The following MYT1L variants were observed in gnomAD, a reference collection of about 807,000 sequenced individuals.
MYT1L encodes myelin transcription factor 1 like, also known as myelin transcription factor 1-like protein.
Under a neutral mutation model 126.7 loss-of-function variants are expected in MYT1L, and 12 were observed. The observed-to-expected ratio is 0.09, with a 90% CI of 0.06 to 0.15. The LOEUF (loss-of-function observed/expected upper bound fraction) is 0.15. Ranked by LOEUF, MYT1L falls within the 10% of genes least tolerant of loss-of-function variation. The probability of loss-of-function intolerance (pLI) is 1.00; values close to 1 mark genes in which losing one functional copy is unlikely to be tolerated. For missense variants in MYT1L, 979 were observed against 1,585.2 expected, an observed-to-expected ratio of 0.62 and a Z score of 6.49; for synonymous variants, 541 against 604.2, an observed-to-expected ratio of 0.90 and a Z score of 1.53.
At chr2:2,322,160 GTT>G (rs113836212) in intron 1 of MYT1L, among the ~76,000 whole-genome samples, 2 of 145,422 alleles carry the variant, frequency 1.4e-5, no homozygotes, top group African/African-American at 5.0e-5. Context: ...ATATTTACCT[GTT>G]TTTTTTTTTT....
intron 2 of MYT1L, among the ~76,000 whole-genome samples, chr2:2,255,617 A>G (rs913214392): frequency 5.3e-5 from 8 of 152,312 alleles, no homozygotes; most frequent in African/African-American, 4.8e-5. Context: ...AATATGAATC[A>G]CTTGAACATA....
chr2:1,990,786 C>T (rs990942279), intron 5 of MYT1L, among the ~76,000 whole-genome samples: 3 of 152,176 alleles, frequency 2.0e-5, no homozygotes, highest in African/African-American at 4.8e-5. Flanking sequence ...TGGAACAGGC[C>T]CAGTCGTCTA....
At chr2:1,932,928 G>T (rs2055214954) in intron 9 of MYT1L, among the ~76,000 whole-genome samples, 1 of 152,142 alleles carries the variant, frequency 6.6e-6, no homozygotes, top group Non-Finnish European at 1.5e-5. Context: ...AGCCAGGGAA[G>T]CCTGGGCCAA....
At chr2:2,026,936 GC>G (rs546248427) in intron 4 of MYT1L, among the ~76,000 whole-genome samples, 366 of 152,228 alleles carry the variant, frequency 2.4e-3, no homozygotes, top group African/African-American at 8.3e-3. Flanking sequence ...TGAGTGTGGG[GC>G]CCCGTCACGA....
At chr2:2,096,755 T>C (rs1216115165) in intron 3 of MYT1L, among the ~76,000 whole-genome samples, 1 of 152,160 alleles carries the variant, frequency 6.6e-6, no homozygotes, top group Non-Finnish European at 1.5e-5. Context: ...ATGGACTGTG[T>C]GCCAGGCACT....
chr2:2,188,750 G>A (rs2092383456), intron 2 of MYT1L, among the ~76,000 whole-genome samples: 1 of 152,248 alleles, frequency 6.6e-6, no homozygotes, highest in South Asian at 2.1e-4. Context: ...GAAGTGGTAG[G>A]AGTTTAAGAA....
chr2:1,983,770 T>G (rs1365923564), intron 5 of MYT1L, among the ~76,000 whole-genome samples: 1 of 152,232 alleles, frequency 6.6e-6, no homozygotes, highest in Admixed American at 6.5e-5. Context: ...CTTCACTTAC[T>G]GAACCCGTGA....
At chr2:1,860,637 C>A (rs1297641636) in intron 18 of MYT1L, among the ~76,000 whole-genome samples, 1 of 152,130 alleles carries the variant, frequency 6.6e-6, no homozygotes, top group African/African-American at 2.4e-5. Context: ...TCCTTTCGGG[C>A]GGTGGGATCC....
chr2:1,884,337 A>C (rs1240303900), intron 18 of MYT1L, among the ~76,000 whole-genome samples: 1 of 152,200 alleles, frequency 6.6e-6, no homozygotes, highest in African/African-American at 2.4e-5. Flanking sequence ...GAAAATATAC[A>C]CAAAGAATAT....
At chr2:2,172,194 A>G (rs913470451) in intron 3 of MYT1L, among the ~76,000 whole-genome samples, 4 of 152,068 alleles carry the variant, frequency 2.6e-5, no homozygotes, top group Non-Finnish European at 4.4e-5. Context: ...GCCACTAGGT[A>G]TGCGCCAATC....
intron 2 of MYT1L, among the ~76,000 whole-genome samples, chr2:2,219,266 G>A (rs1460659134): frequency 2.0e-5 from 3 of 152,182 alleles, no homozygotes; most frequent in Non-Finnish European, 4.4e-5. Flanking sequence ...GCCGCTTAGT[G>A]TAGGGCCCAG....
At chr2:2,065,846 A>G (rs200392168) in intron 3 of MYT1L, among the ~76,000 whole-genome samples, 5,665 of 117,210 alleles carry the variant, frequency 0.048, 137 homozygotes, top group Non-Finnish European at 0.068. Context: ...ACACACACAC[A>G]CGCACACACA....
chr2:2,239,695 T>C (rs1298769937), intron 2 of MYT1L, among the ~76,000 whole-genome samples: 2 of 152,172 alleles, frequency 1.3e-5, no homozygotes, highest in African/African-American at 2.4e-5. Flanking sequence ...TATTTTCCTC[T>C]TTCTCCCCAG....
At chr2:2,270,808 T>C (rs1034034029) in intron 2 of MYT1L, among the ~76,000 whole-genome samples, 4 of 152,066 alleles carry the variant, frequency 2.6e-5, no homozygotes, top group Admixed American at 2.0e-4. Context: ...CCCAGCCAGT[T>C]TGAGGCTGCA....
intron 2 of MYT1L, among the ~76,000 whole-genome samples, chr2:2,181,191 CTA>C (rs559926777): frequency 3.7e-4 from 55 of 148,700 alleles, no homozygotes; most frequent in Middle Eastern, 3.7e-3. Context: ...TACCTATGAT[CTA>C]TGTGTGCCGT....
chr2:2,018,236 T>C (rs903597892), intron 4 of MYT1L, among the ~76,000 whole-genome samples: 3 of 152,200 alleles, frequency 2.0e-5, no homozygotes, highest in Non-Finnish European at 4.4e-5. Flanking sequence ...CCTTCTTGCC[T>C]AGTGTCTGTT....
intron 21 of MYT1L, among the ~76,000 whole-genome samples, chr2:1,833,515 C>T (rs989599398): frequency 7.2e-5 from 11 of 152,166 alleles, no homozygotes; most frequent in Admixed American, 3.9e-4. Context: ...TGACTTCTGT[C>T]GTTGTAGAAT....
intron 2 of MYT1L, among the ~76,000 whole-genome samples, chr2:2,212,994 A>G (rs2093573441): frequency 6.6e-6 from 1 of 152,170 alleles, no homozygotes; most frequent in Admixed American, 6.6e-5. Context: ...GGGGAGAGGC[A>G]CAGAGTGGAC....
At chr2:1,956,574 T>TTCTTTCTATCTATCTA (rs1369480046) in intron 8 of MYT1L, among the ~76,000 whole-genome samples, 104 of 101,592 alleles carry the variant, frequency 1.0e-3, no homozygotes, top group East Asian at 2.4e-3. Flanking sequence ...ATATTTCCTA[T>TTCTTTCTATCTATCTA]TCTATCTATC....
Sources: allele counts gnomAD v4.1 joint callset (sites outside exome capture counted in the v4.1 genomes callset), GRCh38; gene constraint gnomAD v4.1.1; transcripts MANE v1.5; gene names NCBI Gene and HGNC (gene_info 2026-07-23, HGNC 2026-07-21).